The following TRERF1 variants were observed in gnomAD, a reference collection of about 807,000 sequenced individuals.
TRERF1 encodes the protein transcriptional regulating factor 1.
Under a neutral mutation model 122.9 loss-of-function variants are expected in TRERF1, and 27 were observed. The ratio of observed to expected loss-of-function variants is 0.22; its 90% CI spans 0.16 to 0.30. The LOEUF (loss-of-function observed/expected upper bound fraction) is 0.30. Among genes scored for constraint, TRERF1 ranks in the 10% least tolerant of loss-of-function variants. TRERF1 has a pLI of 1.00. For missense variants in TRERF1, 1,248 were observed against 1,560.3 expected (o/e 0.80, Z 3.37); for synonymous variants, 636 against 641.7 (o/e 0.99, Z 0.13).
intron 3 of TRERF1, among the ~76,000 whole-genome samples, chr6:42,329,518 A>C (rs930518118): frequency 3.7e-4 from 57 of 152,178 alleles, no homozygotes; most frequent in African/African-American, 1.0e-3. Flanking sequence ...CCCCCAGAAG[A>C]ATTGTCCACT....
At chr6:42,236,137 C>T in intron 16 of TRERF1, 68 bp downstream of exon 16, 5 of 1,503,560 alleles carry the variant, frequency 3.3e-6, no homozygotes, top group Admixed American at 4.7e-5. Flanking sequence ...TACATCATCT[C>T]TTAAAGCCAG....
At chr6:42,374,776 C>T (rs1367680898) in intron 2 of TRERF1, among the ~76,000 whole-genome samples, 1 of 151,882 alleles carries the variant, frequency 6.6e-6, no homozygotes, top group African/African-American at 2.4e-5. Context: ...GGGAGGCTGA[C>T]ATGGGTGGAT....
chr6:42,381,189 G>A (rs1378114292), intron 2 of TRERF1, among the ~76,000 whole-genome samples: 1 of 152,024 alleles, frequency 6.6e-6, no homozygotes, highest in Non-Finnish European at 1.5e-5. Flanking sequence ...TAACAGATTG[G>A]GAGTCCCTGA....
intron 15 of TRERF1, among the ~76,000 whole-genome samples, chr6:42,242,364 AC>A (rs2149586692): frequency 6.6e-6 from 1 of 151,906 alleles, no homozygotes; most frequent in South Asian, 2.1e-4. Context: ...AACCCTTACA[AC>A]TGGGGCACAA....
intron 2 of TRERF1, among the ~76,000 whole-genome samples, chr6:42,389,339 G>A (rs1020701535): frequency 6.6e-6 from 1 of 152,208 alleles, no homozygotes; most frequent in Non-Finnish European, 1.5e-5. Flanking sequence ...ACATTCTATT[G>A]CCAGGCTACA....
chr6:42,430,920 G>A (rs1784401803), intron 2 of TRERF1, among the ~76,000 whole-genome samples: 1 of 148,798 alleles, frequency 6.7e-6, no homozygotes, highest in Non-Finnish European at 1.5e-5. Context: ...AATTAGCCGG[G>A]TGTTGTGGCA....
intron 3 of TRERF1, among the ~76,000 whole-genome samples, chr6:42,356,527 C>G (rs1435291577): frequency 6.6e-6 from 1 of 152,220 alleles, no homozygotes; most frequent in Admixed American, 6.5e-5. Context: ...TGCTGAGCAC[C>G]TTGATCTTGG....
At chr6:42,419,082 C>T (rs1782359125) in intron 2 of TRERF1, among the ~76,000 whole-genome samples, 1 of 152,208 alleles carries the variant, frequency 6.6e-6, no homozygotes, top group Admixed American at 6.5e-5. Flanking sequence ...GTGAGAATCC[C>T]ATATCCAGGA....
chr6:42,388,167 G>A (rs182960060), intron 2 of TRERF1, among the ~76,000 whole-genome samples: 89 of 151,872 alleles, frequency 5.9e-4, no homozygotes, highest in Admixed American at 2.6e-3. Flanking sequence ...TGGGAGATAA[G>A]AGAACCTGGG....
intron 3 of TRERF1, among the ~76,000 whole-genome samples, chr6:42,326,124 A>G (rs1764246023): frequency 6.6e-6 from 1 of 152,124 alleles, no homozygotes; most frequent in Non-Finnish European, 1.5e-5. Flanking sequence ...AACACACACT[A>G]TACCCTTGTA....
intron 3 of TRERF1, among the ~76,000 whole-genome samples, chr6:42,324,440 G>T (rs1763950611): frequency 6.6e-6 from 1 of 152,106 alleles, no homozygotes; most frequent in Admixed American, 6.5e-5. Flanking sequence ...AGCCCAAATA[G>T]CCAAAGCAAT....
chr6:42,378,363 A>G (rs1338687712), intron 2 of TRERF1, among the ~76,000 whole-genome samples: 1 of 151,396 alleles, frequency 6.6e-6, no homozygotes, highest in Non-Finnish European at 1.5e-5. Flanking sequence ...GTGATTGCTT[A>G]TAGGTTGAGA....
intron 2 of TRERF1, among the ~76,000 whole-genome samples, chr6:42,430,725 C>T (rs1582187527): frequency 6.6e-6 from 1 of 152,070 alleles, no homozygotes; most frequent in Admixed American, 6.5e-5. Flanking sequence ...GGTGAAACCC[C>T]GTCTCTACTA....
At chr6:42,251,717 C>T (rs1371790661) in intron 13 of TRERF1, among the ~76,000 whole-genome samples, 1 of 152,176 alleles carries the variant, frequency 6.6e-6, no homozygotes, top group East Asian at 1.9e-4. Context: ...ACTGGGGCAG[C>T]TTCCAAGGCA....
Position 42,298,165 on chromosome 6 carries a change from G to GT in TRERF1, c.-259+2472dup, listed in dbSNP as rs538034576. Among the ~76,000 whole-genome samples the GT allele has an allele frequency of 4.8e-3, 730 of 150,782 alleles. 1 individual carries two copies. The highest frequency in any genetic ancestry group is 7.1e-3 in the Non-Finnish European group (481 of 67,610). ...TTTTTTTGTTTTTGTTTTTGTTTTT[G>GT]TTTTTTTTGAGACAAAGTCTGGCTC... On this transcript the variant is annotated intron_variant, in intron 4 of 17. Transcript: ENST00000372922.
At chr6:42,227,505 G>A (rs1406292042) in exon 18 of TRERF1, 1 of 152,210 alleles carries the variant, frequency 6.6e-6, no homozygotes, top group Admixed American at 6.5e-5. Context: ...CAATCACCCT[G>A]AAGTGAAAGC....
Position 42,268,763 on chromosome 6 carries a change from C to T in TRERF1, c.828G>A (p.Gln276=), listed in dbSNP as rs1294580298. 3.1e-6 allele frequency: 5 copies of T among 1,614,198 alleles called. No individual in the cohort carries two copies. The South Asian group carries it at 5.5e-5, about 18-fold the overall frequency. The stretch of plus-strand genomic sequence containing the variant: ...TGGAGATACGCTGTTGCCCGGCTTG[C>T]TGCTGTTGCTGCGGTGGGTAATACT... The change falls in exon 5 of 18, where the codon CAG becomes CAA. Residue 276 remains glutamine (Q), a synonymous_variant. Coordinates refer to ENST00000372922, the Ensembl canonical transcript of TRERF1. The surrounding 1 kb of genome is among the most constrained non-coding windows in gnomAD (Gnocchi z 4.4).
At chr6:42,359,545 G>A (rs1173983173) in intron 3 of TRERF1, among the ~76,000 whole-genome samples, 1 of 152,162 alleles carries the variant, frequency 6.6e-6, no homozygotes, top group Non-Finnish European at 1.5e-5. Flanking sequence ...CCAACATGGT[G>A]AAACCCCATC....
At chr6:42,256,986 T>C in exon 11 of TRERF1, 3 of 1,614,238 alleles carry the variant, frequency 1.9e-6, no homozygotes, top group Non-Finnish European at 2.5e-6. Context: ...GTCATGGTTT[T>C]CTAGTTCTGG....
Sources: allele counts gnomAD v4.1 joint callset (sites outside exome capture counted in the v4.1 genomes callset), GRCh38; gene constraint gnomAD v4.1.1; non-coding constraint Gnocchi (gnomAD v3.1); transcripts MANE v1.5; gene names NCBI Gene and HGNC (gene_info 2026-07-23, HGNC 2026-07-21).